Variants in DSCAM observed in about 807,000 individuals in gnomAD.
The protein encoded by DSCAM is cell adhesion molecule DSCAM.
In DSCAM, 47 loss-of-function variants were observed where a neutral mutation model predicts 217.7. The ratio of observed to expected loss-of-function variants is 0.22; its 90% CI spans 0.17 to 0.28. The LOEUF (loss-of-function observed/expected upper bound fraction) is 0.28, where lower values mean the gene tolerates loss of function less well. Ranked by LOEUF, DSCAM falls within the 10% of genes least tolerant of loss-of-function variation. DSCAM has a pLI of 1.00. For synonymous variants in DSCAM, 1,056 were observed against 1,015.3 expected, an observed-to-expected ratio of 1.04 and a Z score of -0.76; for missense variants, 2,080 against 2,618.3, an observed-to-expected ratio of 0.79 and a Z score of 4.49.
intron 3 of DSCAM, among the ~76,000 whole-genome samples, chr21:40,580,833 A>C (rs2076899463): frequency 6.6e-6 from 1 of 152,210 alleles, no homozygotes; most frequent in African/African-American, 2.4e-5. Context: ...GATTTTGAAA[A>C]GTATCTTGTG....
chr21:40,013,241 C>G lies in DSCAM; in HGVS notation c.5832G>C (p.Glu1944Asp). 1.2e-6 allele frequency: 2 copies of G among 1,613,950 alleles called. No homozygotes were observed. Among genetic ancestry groups the G allele is most frequent in the Non-Finnish European group, 1.7e-6 (2 of 1,179,944 alleles). ...SRTLKRPTVL[E>D]PIPMEAASSA... ...AGGAGGCGGCTTCCATCGGGATGGGCTCCAGGACCGTGGGGCGCTTCAGGG... is the reference window on the plus strand; with the variant it reads ...AGGAGGCGGCTTCCATCGGGATGGGGTCCAGGACCGTGGGGCGCTTCAGGG... The change falls in exon 33 of 33, where the codon GAG (glutamate) becomes GAC (aspartate). Residue 1944 changes from glutamate to aspartate, a missense_variant. Around this residue, in one of 5 missense-constraint regions of DSCAM, gnomAD observed 145 missense variants for 138.5 expected, o/e 1.05. Transcript: ENST00000400454.
At position 40,365,042 on chromosome 21, in the gene DSCAM, A is replaced by G. The variant is rs139400824; in HGVS notation, c.655+4057T>C. Among the ~76,000 whole-genome samples, 402 of 150,946 alleles carry G rather than the reference A, an allele frequency of 2.7e-3. 3 individuals carry two copies. Among genetic ancestry groups the G allele is most frequent in the African/African-American group, 9.1e-3 (375 of 41,314 alleles). On this transcript the variant is annotated intron_variant, in intron 4 of 32. Transcript: ENST00000400454. ...TATCCCACTATATATGCTACTATAA[A>G]TAAAAATGAGTATCTATAATATATA...
chr21:40,792,656 C>T (rs1045437608), intron 1 of DSCAM, among the ~76,000 whole-genome samples: 1 of 152,116 alleles, frequency 6.6e-6, no homozygotes, highest in African/African-American at 2.4e-5. Flanking sequence ...ATCACAAAGT[C>T]AGGGGTCTTC....
chr21:40,243,078 C>T (rs1303318858), intron 11 of DSCAM, among the ~76,000 whole-genome samples: 1 of 152,216 alleles, frequency 6.6e-6, no homozygotes, highest in African/African-American at 2.4e-5. Context: ...TCCCACCTCA[C>T]AGCTGAGTGA....
At chr21:40,209,587 G>A (rs1236456707) in intron 11 of DSCAM, among the ~76,000 whole-genome samples, 5 of 152,122 alleles carry the variant, frequency 3.3e-5, no homozygotes, top group Admixed American at 6.5e-5. Flanking sequence ...ATCAACATGA[G>A]ACAGATGAAA....
chr21:40,296,308 C>T, intron 9 of DSCAM, 134 bp from the exon 10 acceptor site: 2 of 1,101,692 alleles, frequency 1.8e-6, no homozygotes, highest in Non-Finnish European at 2.5e-6. Flanking sequence ...ACAATAAAAA[C>T]ACTATTGGCA....
rs535450804 is a variant in DSCAM, at chr21:40,465,341, C to A, written c.509-96096G>T. ...TTCCAGTTATCATGAGCGGCTCTTT[C>A]TCTTCTTTCAGGTCTGAGCTTAAAC... is the stretch of plus-strand genomic sequence containing the variant. On this transcript the variant is annotated intron_variant, in intron 3 of 32. Coordinates refer to ENST00000400454, the MANE Select transcript of DSCAM (RefSeq NM_001389.5). Among the ~76,000 whole-genome samples, 9 of 152,260 alleles carry A rather than the reference C, an allele frequency of 5.9e-5. No homozygotes were observed. In the South Asian group the frequency reaches 1.9e-3, roughly 32 times the overall value.
intron 3 of DSCAM, among the ~76,000 whole-genome samples, chr21:40,597,864 G>C (rs1375403244): frequency 1.3e-5 from 2 of 152,116 alleles, no homozygotes; most frequent in Non-Finnish European, 2.9e-5. Flanking sequence ...ATAGTAGAGA[G>C]AGCTCCCATG....
At chr21:40,084,163 A>G (rs1288812201) in intron 23 of DSCAM, among the ~76,000 whole-genome samples, 157 bp from the exon 24 acceptor site, 5 of 152,198 alleles carry the variant, frequency 3.3e-5, no homozygotes, top group African/African-American at 9.7e-5. Context: ...ATGTCTATTT[A>G]GTTGATATCC....
intron 3 of DSCAM, among the ~76,000 whole-genome samples, chr21:40,397,878 T>C (rs1342868678): frequency 6.6e-6 from 1 of 152,042 alleles, no homozygotes; most frequent in Non-Finnish European, 1.5e-5. Flanking sequence ...CTACCAGTAC[T>C]TCTACTGCCA....
At chr21:40,035,724 AC>A (rs1466631799) in intron 32 of DSCAM, among the ~76,000 whole-genome samples, 2 of 150,912 alleles carry the variant, frequency 1.3e-5, no homozygotes, top group Non-Finnish European at 2.9e-5. Context: ...TTTTTTCAGC[AC>A]CACACCACAC....
chr21:40,332,482 T>A (rs1167160838), intron 8 of DSCAM, among the ~76,000 whole-genome samples: 1 of 152,234 alleles, frequency 6.6e-6, no homozygotes, highest in Non-Finnish European at 1.5e-5. Flanking sequence ...TAAAGTTTTA[T>A]ATAAATATAA....
rs1313647219 is a variant in DSCAM, at chr21:40,011,055, AC to A, written c.*1978del. 1.3e-5 allele frequency: 2 copies of A among 152,172 alleles called. No homozygotes were observed. The highest frequency in any genetic ancestry group is 3.9e-4 in the East Asian group (2 of 5,192). 9.4% of individuals were successfully genotyped at this position (152,172 alleles called of 1,614,324 possible). ...TGAGAGAAAAATGTTAAAAAGGTAA[AC>A]TTCTATGTTTGGGGGATATAGAAGT... On this transcript the variant is annotated 3_prime_UTR_variant, in exon 33 of 33. Transcript: ENST00000400454.
chr21:40,030,704 T>C (rs1445442416), intron 32 of DSCAM, among the ~76,000 whole-genome samples: 1 of 152,212 alleles, frequency 6.6e-6, no homozygotes, highest in Non-Finnish European at 1.5e-5. Context: ...TATTGGCATG[T>C]GCTAATCCTG....
chr21:40,075,284 G>T (rs1203458324), intron 26 of DSCAM, 71 bp from the exon 27 acceptor site: 53 of 1,546,380 alleles, frequency 3.4e-5, no homozygotes, highest in Non-Finnish European at 4.2e-5. Flanking sequence ...GGGATGACAG[G>T]TTATAAAAAT....
rs539400888 is a variant in DSCAM, at chr21:40,049,945, T to C, written c.5185+2013A>G. ...TCTTAACTATTTATGACTAGCTTTATGCATTCTCGGCTGCTAGCTGACCAT... is the reference window on the plus strand; with the variant it reads ...TCTTAACTATTTATGACTAGCTTTACGCATTCTCGGCTGCTAGCTGACCAT... On this transcript the variant is annotated intron_variant, in intron 30 of 32. Coordinates refer to ENST00000400454, the MANE Select transcript of DSCAM (RefSeq NM_001389.5). Among the ~76,000 whole-genome samples, 296 of 152,354 alleles carry C rather than the reference T, an allele frequency of 1.9e-3. 2 individuals carry two copies. The highest frequency in any genetic ancestry group is 1.2e-3 in the South Asian group (6 of 4,830).
chr21:40,518,692 G>GTATATA lies in DSCAM; in HGVS notation c.509-149453_509-149448dup, dbSNP rs373669279. 2.5e-3 allele frequency among the ~76,000 whole-genome samples: 341 copies of GTATATA among 135,870 alleles called. 4 individuals carry two copies. The highest frequency in any genetic ancestry group is 8.8e-3 in the African/African-American group (309 of 34,956). 89.1% of individuals were successfully genotyped at this position (135,870 alleles called of 152,430 possible). On this transcript the variant is annotated intron_variant, in intron 3 of 32. Transcript: ENST00000400454. The stretch of plus-strand genomic sequence containing the variant: ...TGTATGTGTGTGTATGTATATATAT[G>GTATATA]TATATATATATACACACACACCACC...
intron 11 of DSCAM, among the ~76,000 whole-genome samples, chr21:40,216,636 T>A (rs1246216165): frequency 6.6e-6 from 1 of 152,182 alleles, no homozygotes; most frequent in African/African-American, 2.4e-5. Context: ...TAAACTAGAT[T>A]TATGCAACCA....
At chr21:40,844,328 C>T (rs113670817) in intron 1 of DSCAM, among the ~76,000 whole-genome samples, 1 of 152,184 alleles carries the variant, frequency 6.6e-6, no homozygotes. Context: ...TCCCCTCCCC[C>T]CTTCAAAGAT....
Sources: allele counts gnomAD v4.1 joint callset (sites outside exome capture counted in the v4.1 genomes callset), GRCh38; gene constraint gnomAD v4.1.1; regional missense constraint gnomAD v4.1.1; transcripts MANE v1.5; gene names NCBI Gene and HGNC (gene_info 2026-07-23, HGNC 2026-07-21).